APC: variants seen among roughly 807,000 people sequenced by gnomAD.
APC encodes APC regulator of Wnt signaling pathway.
A neutral mutation model predicts 247.0 loss-of-function variants in APC; 72 were observed. The ratio of observed to expected loss-of-function variants is 0.29; its 90% CI spans 0.24 to 0.35. APC has a LOEUF of 0.35. Ranked by LOEUF, APC falls within the 10% of genes least tolerant of loss-of-function variation. The probability of loss-of-function intolerance (pLI) is 1.00; values close to 1 mark genes in which losing one functional copy is unlikely to be tolerated. For missense variants in APC, 3,400 were observed against 3,360.7 expected (o/e 1.01, Z -0.29); for synonymous variants, 1,254 against 1,162.5 (o/e 1.08, Z -1.60).
In APC at chr5:112,840,772, A is replaced by G. The variant is rs368494571; in HGVS notation, c.5178A>G (p.Glu1726=). 2.3e-5 allele frequency: 37 copies of G among 1,614,002 alleles called. No homozygotes were observed. The African/African-American group carries it at 4.1e-4, about 18-fold the overall frequency. ...NKAEEGDILA[E]CINSAMPKGK... is the part of the protein sequence containing the mutation. ...CAGAGGAAGGTGATATTCTTGCAGA[A>G]TGCATTAATTCTGCTATGCCCAAAG... The change falls in exon 16 of 16, where the codon GAA becomes GAG. Residue 1726 remains glutamate, a synonymous_variant. Transcript: ENST00000257430. The surrounding 1 kb of genome is among the most constrained non-coding windows in gnomAD (Gnocchi z 4.1).
At position 112,707,757 on chromosome 5, in the gene APC, C is replaced by T. The variant is rs1750605530; in HGVS notation, c.40C>T (p.Pro14Ser). 2 of 1,370,652 alleles carry T rather than the reference C, an allele frequency of 1.5e-6. No individual in the cohort carries two copies. The highest frequency in any genetic ancestry group is 1.2e-5 in the South Asian group (1 of 81,732). 84.9% of individuals were successfully genotyped at this position (1,370,652 alleles called of 1,614,324 possible). ...GGGCTCGGGTCCGGTCGCCCCTTTGCCCGCTTCTGTACCACCCTCAGTTCT... is the reference window on the plus strand; with the variant it reads ...GGGCTCGGGTCCGGTCGCCCCTTTGTCCGCTTCTGTACCACCCTCAGTTCT... The change falls in exon 1 of 14, where the codon CCC becomes TCC. Residue 14 changes from proline to serine, a missense_variant. Physicochemically the swap from Pro to Ser is moderately conservative, Grantham distance 74. Transcript: ENST00000507379.
chr5:112,831,257 C>T (rs1433256292), intron 14 of APC, among the ~76,000 whole-genome samples: 5 of 152,066 alleles, frequency 3.3e-5, no homozygotes, highest in Admixed American at 6.5e-5. Flanking sequence ...TATAGGCATG[C>T]GCCACCATGC....
At chr5:112,741,866 C>A (rs1420379058) in intron 1 of APC, among the ~76,000 whole-genome samples, 6 of 151,938 alleles carry the variant, frequency 3.9e-5, no homozygotes, top group Admixed American at 3.9e-4. Context: ...ATAAGAAAAA[C>A]CATTTAATAT....
At chr5:112,832,266 C>T (rs1445755276) in intron 14 of APC, among the ~76,000 whole-genome samples, 5 of 152,114 alleles carry the variant, frequency 3.3e-5, no homozygotes, top group Non-Finnish European at 5.9e-5. Flanking sequence ...CCAGTTGCAT[C>T]TTAATTCAGT....
At chr5:112,766,786 A>T (rs1580326158) in intron 3 of APC, among the ~76,000 whole-genome samples, 1 of 152,224 alleles carries the variant, frequency 6.6e-6, no homozygotes. Context: ...GGATAGAAAT[A>T]CTTTAACCTT....
In APC at chr5:112,715,701, T is replaced by A. The variant is rs182948223; in HGVS notation, c.165+7819T>A. On this transcript the variant is annotated intron_variant, in intron 1 of 13. Coordinates refer to the APC transcript ENST00000507379. ...ATATTTATGGGGTACATGTTATATT[T>A]TGATACGTGTATAAAATGTGTAATG... 5.0e-3 allele frequency among the ~76,000 whole-genome samples: 762 copies of A among 152,332 alleles called. 9 individuals carry two copies. Among genetic ancestry groups the A allele is most frequent in the African/African-American group, 0.018 (729 of 41,560 alleles).
intron 1 of APC, among the ~76,000 whole-genome samples, chr5:112,727,111 C>G (rs1316825313): frequency 6.6e-6 from 1 of 151,682 alleles, no homozygotes; most frequent in Non-Finnish European, 1.5e-5. Flanking sequence ...TTTGCACCAA[C>G]CTACTCTTAG....
rs7732731 is a variant in APC, at chr5:112,780,046, G to T, written c.532-744G>T. Among the ~76,000 whole-genome samples the T allele has an allele frequency of 0.027, 4,059 of 152,190 alleles. 211 individuals are homozygous for T. The highest frequency in any genetic ancestry group is 0.092 in the African/African-American group (3,834 of 41,520). On this transcript the variant is annotated intron_variant, in intron 5 of 15. Coordinates refer to ENST00000257430, the MANE Select transcript of APC (RefSeq NM_000038.6). ...TTAATCAGCTTTTATTGCCTTTTGG[G>T]CATGGGTTTATATGTTTCATTACCT...
chr5:112,817,233 T>C (rs1762603267), intron 9 of APC, among the ~76,000 whole-genome samples: 1 of 152,218 alleles, frequency 6.6e-6, no homozygotes, highest in South Asian at 2.1e-4. Flanking sequence ...CGATGTATTT[T>C]CGATTAACTC....
At chr5:112,715,254 G>A (rs190737540) in intron 1 of APC, among the ~76,000 whole-genome samples, 1 of 152,198 alleles carries the variant, frequency 6.6e-6, no homozygotes, top group African/African-American at 2.4e-5. Flanking sequence ...GCAACATTGA[G>A]TGGGAACAAA....
intron 4 of APC, 74 bp from the exon 5 acceptor site, chr5:112,775,555 G>A (rs2149613519): frequency 1.2e-6 from 1 of 863,472 alleles, no homozygotes; most frequent in Non-Finnish European, 1.9e-6. Flanking sequence ...AATAACAACT[G>A]ATGTAAGTAT....
intron 5 of APC, among the ~76,000 whole-genome samples, chr5:112,779,419 TCTA>T (rs1189406978): frequency 6.6e-6 from 1 of 152,240 alleles, no homozygotes; most frequent in South Asian, 2.1e-4. Context: ...TTAATTATTC[TCTA>T]CTAATTTATT....
chr5:112,783,729 C>G (rs186774212), intron 6 of APC: 433 of 261,958 alleles, frequency 1.7e-3, no homozygotes, highest in Non-Finnish European at 2.4e-3. Flanking sequence ...CCCAGGAGTT[C>G]AAGGCTGCAG....
chr5:112,710,663 T>C (rs2149636995), intron 1 of APC, among the ~76,000 whole-genome samples: 1 of 152,364 alleles, frequency 6.6e-6, no homozygotes, highest in African/African-American at 2.4e-5. Context: ...TATTCTTTTC[T>C]TTAAAGACTT....
intron 4 of APC, among the ~76,000 whole-genome samples, chr5:112,773,873 T>G (rs892038924): frequency 6.6e-6 from 1 of 152,044 alleles, no homozygotes; most frequent in African/African-American, 2.4e-5. Context: ...TTAATCTCAC[T>G]CATAGTAAGA....
chr5:112,792,472 C>A lies in APC; in HGVS notation c.672C>A (p.Ile224=), dbSNP rs367816013. 1.9e-6 allele frequency: 3 copies of A among 1,610,584 alleles called. No individual in the cohort carries two copies. The highest frequency in any genetic ancestry group is 2.2e-5 in the South Asian group (2 of 90,526). ...AQRRIARIQQ[I]EKDILRIRQL... ...GAAGAATAGCCAGAATTCAGCAAAT[C>A]GAAAAGGACATACTTCGTATACGAC... Residue 224 remains isoleucine, a synonymous_variant, in exon 7 of 16, where the codon ATC becomes ATA. Transcript: ENST00000257430.
chr5:112,786,328 C>T (rs1235772960), intron 6 of APC, among the ~76,000 whole-genome samples: 1 of 152,214 alleles, frequency 6.6e-6, no homozygotes, highest in Non-Finnish European at 1.5e-5. Context: ...CAGTAAAACA[C>T]AGATGACTAG....
At chr5:112,831,653 G>T (rs969597162) in intron 14 of APC, among the ~76,000 whole-genome samples, 1 of 152,058 alleles carries the variant, frequency 6.6e-6, no homozygotes, top group Non-Finnish European at 1.5e-5. Context: ...AACTCACTCA[G>T]AGCTCTTACT....
At position 112,842,742 on chromosome 5, in the gene APC, G is replaced by A. The variant is rs754320004; in HGVS notation, c.7148G>A (p.Gly2383Asp). ...MSQQNLTKQT[G>D]LSKNASSIPR... ...CAACAGAACCTTACCAAACAAACAGGTTTATCCAAGAATGCCAGTAGTATT... is the reference window on the plus strand; with the variant it reads ...CAACAGAACCTTACCAAACAAACAGATTTATCCAAGAATGCCAGTAGTATT... Residue 2383 changes from glycine (G) to aspartate (D), a missense_variant, in exon 16 of 16, where the codon GGT becomes GAT. Physicochemically the swap from Gly to Asp is moderately conservative, Grantham distance 94. Transcript: ENST00000257430. 6.2e-7 allele frequency: 1 copy of A among 1,613,926 alleles called. No homozygotes were observed. The highest frequency in any genetic ancestry group is 1.3e-5 in the African/African-American group (1 of 74,986).
Sources: gnomAD v4.1 joint callset for allele counts (sites outside exome capture counted in the v4.1 genomes callset) on GRCh38, gnomAD v4.1.1 for gene constraint, Gnocchi (gnomAD v3.1) non-coding constraint, MANE v1.5 for transcripts, NCBI Gene and HGNC (gene_info 2026-07-23, HGNC 2026-07-21) for gene names.